The following DCHS2 variants were observed in gnomAD, a reference collection of about 807,000 sequenced individuals.
The protein encoded by DCHS2 is protocadherin-23.
A neutral mutation model predicts 182.4 loss-of-function variants in DCHS2; 142 were observed. The ratio of observed to expected loss-of-function variants is 0.78; its 90% CI spans 0.68 to 0.89. DCHS2 has a LOEUF of 0.89. Ranked by LOEUF, DCHS2 falls within the 40% of genes least tolerant of loss-of-function variation. The pLI, the probability that DCHS2 is intolerant of heterozygous loss-of-function variation, is 0.00. For synonymous variants in DCHS2, 1,740 were observed against 1,663.3 expected, an observed-to-expected ratio of 1.05 and a Z score of -1.12; for missense variants, 4,319 against 4,198.6, an observed-to-expected ratio of 1.03 and a Z score of -0.79.
intron 12 of DCHS2, among the ~76,000 whole-genome samples, chr4:154,302,803 T>G (rs868298152): frequency 1.3e-5 from 1 of 76,652 alleles, no homozygotes; most frequent in Non-Finnish European, 3.4e-5. Context: ...ATATATATAC[T>G]TATATATATT....
chr4:154,449,668 C>A (rs1036678072), intron 1 of DCHS2, among the ~76,000 whole-genome samples: 20 of 152,238 alleles, frequency 1.3e-4, no homozygotes, highest in African/African-American at 4.8e-4. Context: ...CCACCACGCC[C>A]AGCCAATCTT....
rs555985929 is a variant in DCHS2, at chr4:154,244,208, C to T, written c.6942-1436G>A. ...AAGTTTCTTATGGGCAGGGAGCCGC[C>T]TTATTTGCTTTTCTATAGTAAGTAT... On this transcript the variant is annotated intron_variant, in intron 16 of 19. Transcript: ENST00000357232. Among the ~76,000 whole-genome samples, 150 of 152,230 alleles carry T rather than the reference C, an allele frequency of 9.9e-4. 5 individuals are homozygous for T. The South Asian group carries it at 0.03, about 31-fold the overall frequency.
At chr4:154,470,951 A>C (rs1735439909) in intron 1 of DCHS2, among the ~76,000 whole-genome samples, 1 of 152,342 alleles carries the variant, frequency 6.6e-6, no homozygotes, top group South Asian at 2.1e-4. Flanking sequence ...AAGGAACCTG[A>C]ACAAGGATCT....
intron 13 of DCHS2, among the ~76,000 whole-genome samples, chr4:154,280,588 C>T (rs974884500): frequency 1.1e-4 from 17 of 152,080 alleles, no homozygotes; most frequent in Non-Finnish European, 1.9e-4. Context: ...CAAATTAATG[C>T]GATACACCAC....
chr4:154,427,465 A>G (rs1164430451), intron 1 of DCHS2, among the ~76,000 whole-genome samples: 1 of 152,170 alleles, frequency 6.6e-6, no homozygotes, highest in Non-Finnish European at 1.5e-5. Flanking sequence ...TTTTCCATCC[A>G]TGACTATTGC....
intron 1 of DCHS2, among the ~76,000 whole-genome samples, chr4:154,477,168 G>A (rs185110826): frequency 2.6e-5 from 4 of 152,324 alleles, no homozygotes; most frequent in Admixed American, 2.0e-4. Context: ...GCACGGTTGG[G>A]TTCTGGTGAG....
At chr4:154,248,123 A>G (rs1199257128) in intron 16 of DCHS2, among the ~76,000 whole-genome samples, 4 of 152,230 alleles carry the variant, frequency 2.6e-5, no homozygotes, top group African/African-American at 9.6e-5. Flanking sequence ...CAAGGCATTC[A>G]GTGCATAGAT....
chr4:154,393,049 T>C (rs569178156), intron 1 of DCHS2, among the ~76,000 whole-genome samples: 4 of 152,324 alleles, frequency 2.6e-5, no homozygotes, highest in African/African-American at 9.6e-5. Context: ...ACTGAGTTAT[T>C]GTAGTTTTGT....
In DCHS2 at chr4:154,491,411, C is replaced by G. The variant is rs1728834197; in HGVS notation, c.-56G>C. 2.1e-6 allele frequency: 3 copies of G among 1,445,928 alleles called. No individual in the cohort carries two copies. The highest frequency in any genetic ancestry group is 1.8e-6 in the Non-Finnish European group (2 of 1,099,766). The allele number at this position is 1,445,928 out of a possible 1,614,324, so 89.6% of individuals were successfully genotyped here. On this transcript the variant is annotated 5_prime_UTR_variant, in exon 1 of 20. Transcript: ENST00000357232. ...GGTAACTGCCAGCTTGTGGCAGGAT[C>G]GCAGAAAAATCCAGGAGCCTCTTCA...
Position 154,331,248 on chromosome 4 carries a change from T to C in DCHS2, c.3730+1230A>G, listed in dbSNP as rs191966386. On this transcript the variant is annotated intron_variant, in intron 5 of 19. Transcript: ENST00000357232. Reference sequence around the variant, plus strand: ...TGTCAGGAATTGTCTCCTGTATTCATGGTAAGGAAGCAGCTCTGAGCTTAA... The same window carrying C: ...TGTCAGGAATTGTCTCCTGTATTCACGGTAAGGAAGCAGCTCTGAGCTTAA... Among the ~76,000 whole-genome samples the C allele has an allele frequency of 1.7e-3, 261 of 152,288 alleles. 1 individual carries two copies. The highest frequency in any genetic ancestry group is 5.8e-3 in the African/African-American group (241 of 41,570).
At chr4:154,280,960 C>T (rs1319250654) in intron 13 of DCHS2, among the ~76,000 whole-genome samples, 1 of 151,768 alleles carries the variant, frequency 6.6e-6, no homozygotes, top group African/African-American at 2.4e-5. Context: ...CCTGAGTAGT[C>T]GGGATTACAG....
chr4:154,416,173 T>C lies in DCHS2; in HGVS notation c.2053-38729A>G, dbSNP rs1331069587. ...AGGGCGCTAAGTCAAATGGTCATGA[T>C]CAGCTGTCTGAAAGTTGGGGAGATC... On this transcript the variant is annotated intron_variant, in intron 1 of 19. Transcript: ENST00000357232. Among the ~76,000 whole-genome samples the C allele has an allele frequency of 3.9e-5, 6 of 152,210 alleles. No homozygotes were observed. The East Asian group carries it at 1.2e-3, about 30-fold the overall frequency.
intron 13 of DCHS2, among the ~76,000 whole-genome samples, chr4:154,286,340 C>A (rs1038672460): frequency 6.6e-6 from 1 of 152,126 alleles, no homozygotes; most frequent in South Asian, 2.1e-4. Flanking sequence ...GAAAACATGA[C>A]CTTACCAAAT....
At chr4:154,433,212 A>G (rs1733627198) in intron 1 of DCHS2, among the ~76,000 whole-genome samples, 2 of 151,984 alleles carry the variant, frequency 1.3e-5, no homozygotes, top group South Asian at 2.1e-4. Context: ...GGCAGTTTGG[A>G]ATGATGCAGC....
In DCHS2 at chr4:154,366,396, C is replaced by G; in HGVS notation, c.2290G>C (p.Val764Leu). Residue 764 changes from valine to leucine, a missense_variant, in exon 3 of 20, where the codon GTG becomes CTG. Coordinates refer to ENST00000357232, the MANE Select transcript of DCHS2 (RefSeq NM_001358235.2). ...QAFVRVDLEDVNDNHPVFNPS... is the reference protein window; with the variant it reads ...QAFVRVDLEDLNDNHPVFNPS... ...TTAAACACAGGATGATTATCATTCA[C>G]GTCCTCCAGGTCCACACGAACAAAG... is the stretch of plus-strand genomic sequence containing the variant. 2 of 1,613,796 alleles carry G rather than the reference C, an allele frequency of 1.2e-6. No homozygotes were observed. The highest frequency in any genetic ancestry group is 2.2e-5 in the South Asian group (2 of 91,034).
Position 154,240,529 on chromosome 4 carries a change from C to A in DCHS2, c.7359+8G>T, listed in dbSNP as rs1448174345. On this transcript the variant is annotated splice_region_variant and intron_variant, in intron 18 of 19. Coordinates refer to ENST00000357232, the MANE Select transcript of DCHS2 (RefSeq NM_001358235.2). ...GCTTTGGTTTCGGCATCTCTTTAAG[C>A]CCTTTACCTGATAGAAATCTTGAGA... The A allele has an allele frequency of 6.2e-7, 1 of 1,612,676 alleles. No individual in the cohort carries two copies. The highest frequency in any genetic ancestry group is 8.5e-7 in the Non-Finnish European group (1 of 1,179,182).
At chr4:154,261,872 G>A (rs575333464) in intron 14 of DCHS2, 4 of 152,174 alleles carry the variant, frequency 2.6e-5, no homozygotes, top group South Asian at 4.1e-4. Context: ...TGGGCAGCTG[G>A]AGAATAATTA....
At chr4:154,299,671 T>C (rs1735121101) in intron 12 of DCHS2, among the ~76,000 whole-genome samples, 1 of 152,166 alleles carries the variant, frequency 6.6e-6, no homozygotes, top group Non-Finnish European at 1.5e-5. Flanking sequence ...AAAGTAGAGA[T>C]GATTGGACAA....
At chr4:154,447,955 C>T (rs1007005144) in intron 1 of DCHS2, among the ~76,000 whole-genome samples, 2 of 152,172 alleles carry the variant, frequency 1.3e-5, no homozygotes, top group Non-Finnish European at 2.9e-5. Flanking sequence ...CAAAGAGCTG[C>T]CTAATTCCTT....
Sources: gnomAD v4.1 joint callset for allele counts (sites outside exome capture counted in the v4.1 genomes callset) on GRCh38, gnomAD v4.1.1 for gene constraint, MANE v1.5 for transcripts, NCBI Gene and HGNC (gene_info 2026-07-23, HGNC 2026-07-21) for gene names.